The following GPR153 variants were observed in gnomAD, a reference collection of about 807,000 sequenced individuals.
The protein encoded by GPR153 is probable G protein-coupled receptor 153.
GPR153 carries 27 observed loss-of-function variants against 34.1 expected under a neutral mutation model. The observed-to-expected ratio is 0.79, with a 90% CI of 0.58 to 1.09. GPR153 has a LOEUF of 1.09. Among genes scored for constraint, GPR153 ranks in the 50% least tolerant of loss-of-function variants. GPR153 has a pLI of 0.00. For missense variants in GPR153, 848 were observed against 860.2 expected, an observed-to-expected ratio of 0.99 and a Z score of 0.18; for synonymous variants, 408 against 405.4, an observed-to-expected ratio of 1.01 and a Z score of -0.08.
chr1:6,249,874 C>T lies in GPR153; in HGVS notation c.1294G>A (p.Gly432Arg), dbSNP rs916341494. The T allele has an allele frequency of 2.3e-6, 3 of 1,285,300 alleles. No individual in the cohort carries two copies. The highest frequency in any genetic ancestry group is 2.0e-6 in the Non-Finnish European group (2 of 1,012,726). The allele number at this position is 1,285,300 out of a possible 1,614,324, so 79.6% of individuals were successfully genotyped here. ...AGGCTGGCGCGGCGCCGCTCGGGCCCGGCAGGCAGCACCAGGTGCGCCAGG... is the reference window on the plus strand; with the variant it reads ...AGGCTGGCGCGGCGCCGCTCGGGCCTGGCAGGCAGCACCAGGTGCGCCAGG... ...AALAHLVLPAGPERRRASLLA... is the reference protein window; with the variant it reads ...AALAHLVLPARPERRRASLLA... Residue 432 changes from glycine (G) to arginine (R), a missense_variant, in exon 6 of 6, where the codon GGG (glycine) becomes AGG (arginine). Transcript: ENST00000377893. This position sits in a 1 kb window ranked among gnomAD's most constrained non-coding sequence, Gnocchi z 4.3.
chr1:6,251,588 C>A lies in GPR153; in HGVS notation c.787-58G>T. On this transcript the variant is annotated intron_variant, in intron 3 of 5. Coordinates refer to ENST00000377893, the MANE Select transcript of GPR153 (RefSeq NM_207370.4). This position sits in a 1 kb window ranked among gnomAD's most constrained non-coding sequence, Gnocchi z 4.9. ...GGACCCCCCACCATCACACAAGCTC[C>A]CCCTGAGTCTCGGTCTCCCCATGTG... 5 of 1,483,796 alleles carry A rather than the reference C, an allele frequency of 3.4e-6. No homozygotes were observed. Among genetic ancestry groups the A allele is most frequent in the Non-Finnish European group, 3.6e-6 (4 of 1,116,268 alleles). The allele number at this position is 1,483,796 out of a possible 1,614,324, so 91.9% of individuals were successfully genotyped here.
intron 2 of GPR153, 56 bp downstream of exon 2, chr1:6,254,494 T>C: frequency 1.4e-6 from 2 of 1,426,258 alleles, no homozygotes; most frequent in Non-Finnish European, 1.9e-6. Flanking sequence ...ACCAGATATG[T>C]CTTTGTTTTC....
Position 6,249,390 on chromosome 1 carries a change from TC to T in GPR153, c.1777del (p.Glu593SerfsTer94). On this transcript the variant is annotated frameshift_variant, in exon 6 of 6. Coordinates refer to ENST00000377893, the MANE Select transcript of GPR153 (RefSeq NM_207370.4). LOFTEE classifies it high-confidence loss of function. This position sits in a 1 kb window ranked among gnomAD's most constrained non-coding sequence, Gnocchi z 4.3. ...GTGCAGCGTGGCGTAGCCCGAGGAC[TC>T]GGAGGGGGAACTCAGGAAGCTGCTG... ...STSSFLSSPS[E>X]SSGYATLHSD... The T allele has an allele frequency of 7.3e-7, 1 of 1,372,698 alleles. No individual in the cohort carries two copies. Among genetic ancestry groups the T allele is most frequent in the Middle Eastern group, 2.3e-4 (1 of 4,336 alleles). 85.0% of individuals were successfully genotyped at this position (1,372,698 alleles called of 1,614,324 possible).
At position 6,253,991 on chromosome 1, in the gene GPR153, G is replaced by T; in HGVS notation, c.513C>A (p.Gly171=). 3 of 1,613,240 alleles carry T rather than the reference G, an allele frequency of 1.9e-6. No homozygotes were observed. Among genetic ancestry groups the T allele is most frequent in the Non-Finnish European group, 2.5e-6 (3 of 1,179,898 alleles). The change falls in exon 3 of 6, where the codon GGC becomes GGA. Residue 171 remains glycine (G), a synonymous_variant. Transcript: ENST00000377893. ...CCAGCAGCAGGAAGCAGACGCCAAAGCCCAGGCCGATCTCAGCCACGATGA... is the reference window on the plus strand; with the variant it reads ...CCAGCAGCAGGAAGCAGACGCCAAATCCCAGGCCGATCTCAGCCACGATGA... ...CRFIVAEIGL[G]FGVCFLLLVG... is the part of the protein sequence containing the mutation.
At chr1:6,260,775 GCCGGGGTC>G (rs1239347357) in intron 1 of GPR153, 42 bp downstream of exon 1, 1 of 151,700 alleles carries the variant, frequency 6.6e-6, no homozygotes, top group Non-Finnish European at 1.5e-5. Flanking sequence ...GAGTCCTCCC[GCCGGGGTC>G]CTCCCGTCCG....
chr1:6,251,355 T>A lies in GPR153; in HGVS notation c.962A>T (p.Asp321Val). The A allele has an allele frequency of 6.2e-7, 1 of 1,608,536 alleles. No homozygotes were observed. The highest frequency in any genetic ancestry group is 1.1e-5 in the South Asian group (1 of 90,546). ...REKCMALMAN[D>V]EESDDETSLE... ...ATCCTCACCATCGTCTGACTCCTCG[T>A]CGTTGGCCATGAGGGCCATGCACTT... Residue 321 changes from aspartate to valine, a missense_variant, in exon 4 of 6, where the codon GAC (aspartate) becomes GTC (valine). Coordinates refer to ENST00000377893, the MANE Select transcript of GPR153 (RefSeq NM_207370.4). The surrounding 1 kb of genome is among the most constrained non-coding windows in gnomAD (Gnocchi z 4.9).
At chr1:6,250,100 G>GACCA in intron 5 of GPR153, 97 bp from the exon 6 acceptor site, 2 of 1,302,160 alleles carry the variant, frequency 1.5e-6, no homozygotes, top group Non-Finnish European at 2.0e-6. Context: ...GTGGGTCAGG[G>GACCA]ACCAGGCTGC....
In GPR153 at chr1:6,248,378, G is replaced by C. The variant is rs1350573774; in HGVS notation, c.*960C>G. ...GCAGGGACACGGAAGGCCAGGCCCTGCTGCCCTCGTGCTCTCCGCTTGCAC... is the reference window on the plus strand; with the variant it reads ...GCAGGGACACGGAAGGCCAGGCCCTCCTGCCCTCGTGCTCTCCGCTTGCAC... On this transcript the variant is annotated 3_prime_UTR_variant, in exon 6 of 6. Transcript: ENST00000377893. 1 of 152,312 alleles carries C rather than the reference G, an allele frequency of 6.6e-6. No individual in the cohort carries two copies. The highest frequency in any genetic ancestry group is 1.5e-5 in the Non-Finnish European group (1 of 68,166). The allele number at this position is 152,312 out of a possible 1,614,324, so 9.4% of individuals were successfully genotyped here.
Position 6,249,658 on chromosome 1 carries a change from C to A in GPR153, c.1510G>T (p.Ala504Ser). The A allele has an allele frequency of 9.2e-7, 1 of 1,081,202 alleles. No homozygotes were observed. The highest frequency in any genetic ancestry group is 6.3e-5 in the East Asian group (1 of 15,932). The allele number at this position is 1,081,202 out of a possible 1,614,324, so 67.0% of individuals were successfully genotyped here. The change falls in exon 6 of 6, where the codon GCC (alanine) becomes TCC (serine). Residue 504 changes from alanine (A) to serine (S), a missense_variant. Ala to Ser is a moderately conservative substitution (Grantham distance 99). Transcript: ENST00000377893. This position sits in a 1 kb window ranked among gnomAD's most constrained non-coding sequence, Gnocchi z 4.3. ...ASASLLPDAF[A>S]LTAFECEPQA... Reference sequence around the variant, plus strand: ...GGCTCGCACTCGAAGGCGGTCAGGGCGAAGGCGTCGGGCAGCAGCGAGGCC... The same window carrying A: ...GGCTCGCACTCGAAGGCGGTCAGGGAGAAGGCGTCGGGCAGCAGCGAGGCC...
chr1:6,250,999 A>G (rs1638436422), intron 4 of GPR153, among the ~76,000 whole-genome samples: 1 of 152,110 alleles, frequency 6.6e-6, no homozygotes, highest in Non-Finnish European at 1.5e-5. Context: ...CTCGGTCTGC[A>G]GGAGCCCCCA....
chr1:6,251,559 T>A lies in GPR153; in HGVS notation c.787-29A>T, dbSNP rs1268868512. The A allele has an allele frequency of 1.3e-6, 2 of 1,540,760 alleles. No homozygotes were observed. The highest frequency in any genetic ancestry group is 2.4e-5 in the South Asian group (2 of 82,610). On this transcript the variant is annotated intron_variant, in intron 3 of 5. Coordinates refer to ENST00000377893, the MANE Select transcript of GPR153 (RefSeq NM_207370.4). The surrounding 1 kb of genome is among the most constrained non-coding windows in gnomAD (Gnocchi z 4.9). ...TGGGCACAGGGCTCGGCCTGGCACC[T>A]GCAGGACCCCCCACCATCACACAAG...
Position 6,261,047 on chromosome 1 carries a change from C to G in GPR153, c.-332G>C, listed in dbSNP as rs1229071018. On this transcript the variant is annotated 5_prime_UTR_variant, in exon 1 of 6. Transcript: ENST00000377893. ...CCCTCCCTCCCCTAGGCGCCGCCGCCGCCGCCGCGCTTCGCTCAGCTCCCG... is the reference window on the plus strand; with the variant it reads ...CCCTCCCTCCCCTAGGCGCCGCCGCGGCCGCCGCGCTTCGCTCAGCTCCCG... 1 of 147,810 alleles carries G rather than the reference C, an allele frequency of 6.8e-6. No individual in the cohort carries two copies. Among genetic ancestry groups the G allele is most frequent in the Admixed American group, 6.7e-5 (1 of 14,870 alleles). 9.2% of individuals were successfully genotyped at this position (147,810 alleles called of 1,614,324 possible).
In GPR153 at chr1:6,251,367, AG is replaced by A. The variant is rs1638444136; in HGVS notation, c.949del (p.Leu317SerfsTer39). 1 of 1,610,380 alleles carries A rather than the reference AG, an allele frequency of 6.2e-7. No homozygotes were observed. The highest frequency in any genetic ancestry group is 1.3e-5 in the African/African-American group (1 of 74,846). On this transcript the variant is annotated frameshift_variant, in exon 4 of 6. Coordinates refer to ENST00000377893, the MANE Select transcript of GPR153 (RefSeq NM_207370.4). LOFTEE classifies it high-confidence loss of function. The surrounding 1 kb of genome is among the most constrained non-coding windows in gnomAD (Gnocchi z 4.9). ...GTCTGACTCCTCGTCGTTGGCCATG[AG>A]GGCCATGCACTTCTCCCGGACAGCT... ...LKAVREKCMA[L>X]MANDEESDDE...
Position 6,251,283 on chromosome 1 carries a change from C to T in GPR153, c.979+55G>A. ...CTGACAGCCGTTTTCCTGCCAACCC[C>T]AATGACCTAACCTAGACGCCACTCT... is the stretch of plus-strand genomic sequence containing the variant. On this transcript the variant is annotated intron_variant, in intron 4 of 5. Transcript: ENST00000377893. This position sits in a 1 kb window ranked among gnomAD's most constrained non-coding sequence, Gnocchi z 4.9. 7.0e-7 allele frequency: 1 copy of T among 1,438,466 alleles called. No homozygotes were observed. 89.1% of individuals were successfully genotyped at this position (1,438,466 alleles called of 1,614,324 possible). A position where few individuals can be genotyped will look rare whatever the true frequency, so the allele number is the denominator to read the frequency against.
intron 1 of GPR153, among the ~76,000 whole-genome samples, chr1:6,260,006 T>C (rs1638635948): frequency 6.6e-6 from 1 of 152,116 alleles, no homozygotes; most frequent in African/African-American, 2.4e-5. Context: ...GGCTTCCCAC[T>C]TCCCCGCCCA....
Position 6,251,364 on chromosome 1 carries a change from A to G in GPR153, c.953T>C (p.Met318Thr). Residue 318 changes from methionine (M) to threonine (T), a missense_variant, in exon 4 of 6, where the codon ATG becomes ACG. Physicochemically the swap from Met to Thr is moderately conservative, Grantham distance 81. Transcript: ENST00000377893. The surrounding 1 kb of genome is among the most constrained non-coding windows in gnomAD (Gnocchi z 4.9). Reference protein sequence around the residue: ...KAVREKCMALMANDEESDDET... With the variant: ...KAVREKCMALTANDEESDDET... ...ATCGTCTGACTCCTCGTCGTTGGCC[A>G]TGAGGGCCATGCACTTCTCCCGGAC... 1.9e-6 allele frequency: 3 copies of G among 1,610,646 alleles called. No individual in the cohort carries two copies. The highest frequency in any genetic ancestry group is 1.1e-5 in the South Asian group (1 of 90,806).
At position 6,250,587 on chromosome 1, in the gene GPR153, C is replaced by T. The variant is rs1175741811; in HGVS notation, c.1017G>A (p.Val339=). 6.4e-7 allele frequency: 1 copy of T among 1,566,884 alleles called. No homozygotes were observed. Among genetic ancestry groups the T allele is most frequent in the Admixed American group, 1.9e-5 (1 of 52,090 alleles). ...SLEGGISPDL[V]LERSLDYGYG... ...AGCCATAGTCCAGGGAGCGCTCCAACACCAGGTCCGGGGAGATGCCACCTT... is the reference window on the plus strand; with the variant it reads ...AGCCATAGTCCAGGGAGCGCTCCAATACCAGGTCCGGGGAGATGCCACCTT... Residue 339 remains valine, a synonymous_variant, in exon 5 of 6, where the codon GTG becomes GTA. Transcript: ENST00000377893.
chr1:6,255,840 G>A (rs1638559280), intron 1 of GPR153, among the ~76,000 whole-genome samples: 1 of 151,758 alleles, frequency 6.6e-6, no homozygotes, highest in Non-Finnish European at 1.5e-5. Flanking sequence ...TTTTAGTAGA[G>A]ATGGGGTTTC....
Position 6,251,460 on chromosome 1 carries a change from GA to G in GPR153, c.856del (p.Ser286ProfsTer70). 1 of 1,613,210 alleles carries G rather than the reference GA, an allele frequency of 6.2e-7. No individual in the cohort carries two copies. ...PWMALCVLWC[S>X]VAQALLLPVF... ...AGGCAGCAGCAGGGCCTGGGCCACG[GA>G]GCACCACAGCACGCAGAGTGCCATC... On this transcript the variant is annotated frameshift_variant, in exon 4 of 6. Transcript: ENST00000377893. LOFTEE classifies it high-confidence loss of function. This position sits in a 1 kb window ranked among gnomAD's most constrained non-coding sequence, Gnocchi z 4.9.
Sources: gnomAD v4.1 joint callset for allele counts (sites outside exome capture counted in the v4.1 genomes callset) on GRCh38, gnomAD v4.1.1 for gene constraint, Gnocchi (gnomAD v3.1) non-coding constraint, MANE v1.5 for transcripts, NCBI Gene and HGNC (gene_info 2026-07-23, HGNC 2026-07-21) for gene names.